WNK2: variants seen among roughly 807,000 people sequenced by gnomAD.
WNK2 encodes the protein WNK lysine deficient protein kinase 2, also known as serine/threonine-protein kinase WNK2.
In WNK2, 67 loss-of-function variants were observed where a neutral mutation model predicts 192.1. The observed-to-expected ratio is 0.35, with a 90% CI of 0.29 to 0.43. The LOEUF (loss-of-function observed/expected upper bound fraction) is 0.43, where lower values mean the gene tolerates loss of function less well. Among genes scored for constraint, WNK2 ranks in the 20% least tolerant of loss-of-function variants. The pLI, the probability that WNK2 is intolerant of heterozygous loss-of-function variation, is 1.00. For missense variants in WNK2, 2,698 were observed against 3,089.7 expected, an observed-to-expected ratio of 0.87 and a Z score of 3.01; for synonymous variants, 1,439 against 1,393.9, an observed-to-expected ratio of 1.03 and a Z score of -0.72.
Position 93,292,372 on chromosome 9 carries a change from C to A in WNK2, c.5001C>A (p.Ser1667=). ...DRDGRQVASD[S]HVVPSVPQDV... ...ATGGAAGGCAGGTGGCCTCAGACTC[C>A]CATGTGGTCCCCAGCGTCCCCCAGG... Residue 1667 remains serine (S), a synonymous_variant, in exon 22 of 30, where the codon TCC becomes TCA. Transcript: ENST00000427277. 6.2e-7 allele frequency: 1 copy of A among 1,613,962 alleles called. No individual in the cohort carries two copies. Among genetic ancestry groups the A allele is most frequent in the Non-Finnish European group, 8.5e-7 (1 of 1,179,882 alleles).
Position 93,184,270 on chromosome 9 carries a change from C to T in WNK2, c.-118C>T, listed in dbSNP as rs1191029418. The stretch of plus-strand genomic sequence containing the variant: ...GCAGGAGCTGGAGCGGCGCCACGGC[C>T]CCCACCCCAGCGCGGACCTCGCCCG... On this transcript the variant is annotated 5_prime_UTR_variant, in exon 1 of 30. Transcript: ENST00000427277. Among the ~76,000 whole-genome samples, 6 of 151,112 alleles carry T rather than the reference C, an allele frequency of 4.0e-5. No homozygotes were observed. The highest frequency in any genetic ancestry group is 2.0e-4 in the Admixed American group (3 of 15,166).
chr9:93,221,429 T>A (rs1334477136), intron 2 of WNK2, among the ~76,000 whole-genome samples: 1 of 152,206 alleles, frequency 6.6e-6, no homozygotes, highest in Non-Finnish European at 1.5e-5. Flanking sequence ...TCTCCACCCG[T>A]CTACTGGCTG....
At chr9:93,221,832 T>G (rs1392609568) in intron 2 of WNK2, among the ~76,000 whole-genome samples, 1 of 152,088 alleles carries the variant, frequency 6.6e-6, no homozygotes, top group East Asian at 1.9e-4. Flanking sequence ...GGAGGTTGCG[T>G]CCTGGTTGGA....
intron 2 of WNK2, among the ~76,000 whole-genome samples, chr9:93,226,533 C>T (rs1837848696): frequency 6.6e-6 from 1 of 151,986 alleles, no homozygotes; most frequent in South Asian, 2.1e-4. Flanking sequence ...GCAAGTTGAG[C>T]TCTGACAAAT....
intron 2 of WNK2, among the ~76,000 whole-genome samples, chr9:93,211,623 CA>C (rs1266873038): frequency 6.6e-6 from 1 of 151,268 alleles, no homozygotes; most frequent in Non-Finnish European, 1.5e-5. Context: ...CTCATTCACT[CA>C]CCCACCCACT....
intron 21 of WNK2, among the ~76,000 whole-genome samples, chr9:93,290,940 T>TGGGCACACTATGAATC (rs1209199770): frequency 6.6e-6 from 1 of 152,234 alleles, no homozygotes; most frequent in Non-Finnish European, 1.5e-5. Context: ...TCTTGGGGGA[T>TGGGCACACTATGAATC]GGGCACACTA....
At chr9:93,205,841 T>C (rs575445450) in intron 2 of WNK2, among the ~76,000 whole-genome samples, 19 of 152,136 alleles carry the variant, frequency 1.2e-4, no homozygotes, top group Non-Finnish European at 2.6e-4. Flanking sequence ...ACACTGGCTC[T>C]GTGTGACGCC....
Position 93,257,058 on chromosome 9 carries a change from C to A in WNK2, c.2301C>A (p.Ser767=), listed in dbSNP as rs1208569911. Residue 767 remains serine (S), a synonymous_variant, in exon 11 of 30, where the codon TCC becomes TCA. Coordinates refer to ENST00000427277, the MANE Select transcript of WNK2 (RefSeq NM_006648.4). The surrounding 1 kb of genome is among the most constrained non-coding windows in gnomAD (Gnocchi z 4.7). ...PHLPPYLAPA[S]QVGAPAQLKP... ...TGCCACCGTACCTGGCTCCAGCCTC[C>A]CAGGTGGGGGCCCCCGCTCAGCTGA... is the stretch of plus-strand genomic sequence containing the variant. 6.2e-7 allele frequency: 1 copy of A among 1,606,284 alleles called. No homozygotes were observed. Among genetic ancestry groups the A allele is most frequent in the Non-Finnish European group, 8.5e-7 (1 of 1,178,356 alleles).
At chr9:93,238,180 C>T in intron 5 of WNK2, 53 bp from the exon 6 acceptor site, 1 of 1,550,254 alleles carries the variant, frequency 6.5e-7, no homozygotes, top group South Asian at 1.1e-5. Context: ...GTGGTGGAGG[C>T]CTCGCCTTCC....
rs1852640900 is a variant in WNK2, at chr9:93,306,830, C to T, written c.6259+9C>T. 6.2e-7 allele frequency: 1 copy of T among 1,613,446 alleles called. No homozygotes were observed. The highest frequency in any genetic ancestry group is 1.3e-5 in the African/African-American group (1 of 74,940). On this transcript the variant is annotated intron_variant, in intron 27 of 29. Transcript: ENST00000427277. ...CAAAGAACACAGCAGTAGTAATTAT[C>T]CGGGTTTTTTCCCCTTTGTCCTCTC... is the stretch of plus-strand genomic sequence containing the variant.
chr9:93,259,920 C>G lies in WNK2; in HGVS notation c.3066+306C>G, dbSNP rs2132891891. Among the ~76,000 whole-genome samples the G allele has an allele frequency of 6.6e-6, 1 of 152,354 alleles. No individual in the cohort carries two copies. Among genetic ancestry groups the G allele is most frequent in the South Asian group, 2.1e-4 (1 of 4,830 alleles). On this transcript the variant is annotated intron_variant, in intron 12 of 29. Transcript: ENST00000427277. This position sits in a 1 kb window ranked among gnomAD's most constrained non-coding sequence, Gnocchi z 4.8. ...ATCTTTGTACCTGCCCTCACCCAGG[C>G]CTGGTCTGGCAGCCTTGGTGTGGCT...
chr9:93,217,762 T>C (rs184554020), intron 2 of WNK2, among the ~76,000 whole-genome samples: 1 of 152,338 alleles, frequency 6.6e-6, no homozygotes, highest in East Asian at 1.9e-4. Context: ...TGGGCACATG[T>C]TTATTCAGTG....
chr9:93,294,097 T>C (rs1849837164), intron 23 of WNK2, among the ~76,000 whole-genome samples: 1 of 152,224 alleles, frequency 6.6e-6, no homozygotes, highest in South Asian at 2.1e-4. Context: ...CACCAGTGCC[T>C]GAAGGCACGT....
chr9:93,289,186 C>T lies in WNK2; in HGVS notation c.4432C>T (p.Pro1478Ser). ...ASAPREPLPP[P>S]APEPSPHSGT... ...TGCCCCAAGGGAGCCCCTGCCACCT[C>T]CTGCACCTGAGCCCAGCCCCCACAG... Residue 1478 changes from proline to serine, a missense_variant, in exon 20 of 30, where the codon CCT (proline) becomes TCT (serine). Physicochemically the swap from Pro to Ser is moderately conservative, Grantham distance 74. Coordinates refer to ENST00000427277, the MANE Select transcript of WNK2 (RefSeq NM_006648.4). The T allele has an allele frequency of 1.9e-6, 3 of 1,602,020 alleles. No individual in the cohort carries two copies. The highest frequency in any genetic ancestry group is 1.1e-5 in the South Asian group (1 of 90,356).
intron 9 of WNK2, 95 bp from the exon 10 acceptor site, chr9:93,256,204 G>A (rs1341842087): frequency 7.4e-7 from 1 of 1,354,168 alleles, no homozygotes; most frequent in Non-Finnish European, 9.6e-7. Context: ...GTAGGGACCA[G>A]GCACAGGGAT....
intron 2 of WNK2, among the ~76,000 whole-genome samples, chr9:93,215,677 A>T (rs1156567125): frequency 6.6e-6 from 1 of 152,158 alleles, no homozygotes; most frequent in Non-Finnish European, 1.5e-5. Context: ...TTCTGACTTC[A>T]TAGATTTTAG....
At chr9:93,189,217 T>C (rs949064251) in intron 2 of WNK2, among the ~76,000 whole-genome samples, 1 of 152,154 alleles carries the variant, frequency 6.6e-6, no homozygotes, top group Admixed American at 6.5e-5. Context: ...AGCAACTCCC[T>C]ACTTTAGGGG....
intron 19 of WNK2, among the ~76,000 whole-genome samples, chr9:93,286,038 A>G (rs1035741660): frequency 2.0e-5 from 3 of 152,184 alleles, no homozygotes; most frequent in Non-Finnish European, 4.4e-5. Flanking sequence ...GTGAATCTCA[A>G]TGTAAAAGGG....
intron 2 of WNK2, among the ~76,000 whole-genome samples, chr9:93,224,057 A>G (rs1343766984): frequency 6.6e-6 from 1 of 152,136 alleles, no homozygotes; most frequent in Non-Finnish European, 1.5e-5. Flanking sequence ...ACTATTGTGG[A>G]CAGAGAAGCT....
Sources: allele counts gnomAD v4.1 joint callset (sites outside exome capture counted in the v4.1 genomes callset), GRCh38; gene constraint gnomAD v4.1.1; non-coding constraint Gnocchi (gnomAD v3.1); transcripts MANE v1.5; gene names NCBI Gene and HGNC (gene_info 2026-07-23, HGNC 2026-07-21).